The following ANKRD13B variants were observed in gnomAD, a reference collection of about 807,000 sequenced individuals.
ANKRD13B encodes ankyrin repeat domain 13B.
ANKRD13B carries 33 observed loss-of-function variants against 74.4 expected under a neutral mutation model. That is an observed-to-expected ratio of 0.44 (90% CI 0.34 to 0.59). The LOEUF is 0.59. ANKRD13B is among the 20% of genes least tolerant of loss of function. The probability of loss-of-function intolerance (pLI) is 0.02; values close to 1 mark genes in which losing one functional copy is unlikely to be tolerated. For synonymous variants in ANKRD13B, 341 were observed against 362.9 expected, an observed-to-expected ratio of 0.94 and a Z score of 0.68; for missense variants, 676 against 877.9, an observed-to-expected ratio of 0.77 and a Z score of 2.91.
chr17:29,596,022 CCAGGGG>C (rs1417824207), intron 1 of ANKRD13B, among the ~76,000 whole-genome samples: 45 of 152,224 alleles, frequency 3.0e-4, no homozygotes, highest in African/African-American at 1.1e-3. Flanking sequence ...GGCATCCCAG[CCAGGGG>C]TCCCTGGCCT....
rs756326128 is a variant in ANKRD13B at position 29,608,131 on chromosome 17, C to T, written c.375+21C>T. 3.7e-6 allele frequency: 6 copies of T among 1,613,672 alleles called. No individual in the cohort carries two copies. The highest frequency in any genetic ancestry group is 1.1e-5 in the South Asian group (1 of 91,068). ...GCAAGGTGAGGCCCAGCCTCTCAGC[C>T]TCCACGGGAGCCCTTGAGCCCTTCT... On this transcript the variant is annotated intron_variant, in intron 3 of 14. Transcript: ENST00000394859. The surrounding 1 kb of genome is among the most constrained non-coding windows in gnomAD (Gnocchi z 6.4).
intron 1 of ANKRD13B, among the ~76,000 whole-genome samples, chr17:29,598,082 G>A (rs191964828): frequency 1.2e-3 from 183 of 152,010 alleles, no homozygotes; most frequent in African/African-American, 4.2e-3. Flanking sequence ...TCCCACTCCC[G>A]CTGCCGGGCT....
In ANKRD13B at chr17:29,612,924, G is replaced by A. The variant is rs2034646821; in HGVS notation, c.1613G>A (p.Gly538Asp). The A allele has an allele frequency of 6.3e-7, 1 of 1,598,294 alleles. No homozygotes were observed. The highest frequency in any genetic ancestry group is 8.5e-7 in the Non-Finnish European group (1 of 1,179,742). Residue 538 changes from glycine (G) to aspartate (D), a missense_variant, in exon 14 of 15, where the codon GGC becomes GAC. By Grantham distance (94) the Gly-to-Asp change is moderately conservative (BLOSUM62 -1). Around this residue, in one of 4 missense-constraint regions of ANKRD13B, gnomAD observed 152 missense variants for 181.4 expected, o/e 0.84. Coordinates refer to ENST00000394859, the MANE Select transcript of ANKRD13B (RefSeq NM_152345.5). This position sits in a 1 kb window ranked among gnomAD's most constrained non-coding sequence, Gnocchi z 6.1. The part of the protein sequence containing the change: ...IWEALTNSKP[G>D]THPMSYEGRR... ...GAGGCGCTAACCAACAGCAAGCCAG[G>A]CACCCACCCCATGTCCTACGAGGGT...
In ANKRD13B at chr17:29,612,091, A is replaced by G; in HGVS notation, c.1101-25A>G. The G allele has an allele frequency of 6.2e-7, 1 of 1,611,608 alleles. No homozygotes were observed. The highest frequency in any genetic ancestry group is 8.5e-7 in the Non-Finnish European group (1 of 1,178,780). ...GCCATGGCTTCCTGCAGTGTCCCTT[A>G]CCCCTTGGGATCTGGTGGGGGCAGG... On this transcript the variant is annotated intron_variant, in intron 10 of 14. Transcript: ENST00000394859. The surrounding 1 kb of genome is among the most constrained non-coding windows in gnomAD (Gnocchi z 6.1).
intron 1 of ANKRD13B, among the ~76,000 whole-genome samples, chr17:29,603,938 C>T (rs1230779937): frequency 5.5e-5 from 8 of 144,850 alleles, no homozygotes; most frequent in Admixed American, 2.8e-4. Flanking sequence ...AGTGCAGGGG[C>T]GCCATCTCGG....
chr17:29,606,489 C>T (rs886988194), intron 1 of ANKRD13B, among the ~76,000 whole-genome samples: 4 of 151,680 alleles, frequency 2.6e-5, no homozygotes, highest in African/African-American at 9.7e-5. Context: ...ACCTGGGAGG[C>T]GGAAGTTGCA....
In ANKRD13B at chr17:29,613,840, C is replaced by T. The variant is rs1179643074; in HGVS notation, c.*258C>T. Reference sequence around the variant, plus strand: ...GTATTCTGATTCCCCAACCCGCTCCCCTGGGCTCAGATCTGTCCTGTCCTA... The same window carrying T: ...GTATTCTGATTCCCCAACCCGCTCCTCTGGGCTCAGATCTGTCCTGTCCTA... On this transcript the variant is annotated 3_prime_UTR_variant, in exon 15 of 15. Coordinates refer to ENST00000394859, the MANE Select transcript of ANKRD13B (RefSeq NM_152345.5). 1.5e-5 allele frequency: 8 copies of T among 535,460 alleles called. No individual in the cohort carries two copies. The highest frequency in any genetic ancestry group is 3.6e-5 in the East Asian group (1 of 27,744). 33.2% of individuals were successfully genotyped at this position (535,460 alleles called of 1,614,324 possible).
intron 1 of ANKRD13B, among the ~76,000 whole-genome samples, chr17:29,603,940 C>A (rs1299709270): frequency 6.7e-6 from 1 of 149,766 alleles, no homozygotes; most frequent in East Asian, 2.0e-4. Context: ...TGCAGGGGCG[C>A]CATCTCGGCT....
rs1365261477 is a variant in ANKRD13B at position 29,608,107 on chromosome 17, C to T, written c.372C>T (p.Arg124=). 3 of 1,613,168 alleles carry T rather than the reference C, an allele frequency of 1.9e-6. No individual in the cohort carries two copies. The East Asian group carries it at 6.7e-5, about 36-fold the overall frequency. Residue 124 remains arginine, a synonymous_variant, in exon 3 of 15, where the codon CGC becomes CGT. Coordinates refer to ENST00000394859, the MANE Select transcript of ANKRD13B (RefSeq NM_152345.5). This position sits in a 1 kb window ranked among gnomAD's most constrained non-coding sequence, Gnocchi z 6.4. Reference sequence around the variant, plus strand: ...TCCCCGTGCTCCTGGAGAAGCTGCGCAAGGTGAGGCCCAGCCTCTCAGCCT... The same window carrying T: ...TCCCCGTGCTCCTGGAGAAGCTGCGTAAGGTGAGGCCCAGCCTCTCAGCCT... ...AGIPVLLEKL[R]KAQDFYVEMK... is the part of the protein sequence containing the mutation.
rs1316036460 is a variant in ANKRD13B, at chr17:29,609,600, A to T, written c.822+179A>T. Among the ~76,000 whole-genome samples the T allele has an allele frequency of 6.6e-6, 1 of 152,250 alleles. No homozygotes were observed. Among genetic ancestry groups the T allele is most frequent in the Non-Finnish European group, 1.5e-5 (1 of 68,040 alleles). On this transcript the variant is annotated intron_variant, in intron 7 of 14. Coordinates refer to ENST00000394859, the MANE Select transcript of ANKRD13B (RefSeq NM_152345.5). The surrounding 1 kb of genome is among the most constrained non-coding windows in gnomAD (Gnocchi z 4.0). Reference sequence around the variant, plus strand: ...GTTTTATATGGATGTATGGATGTATACACAGGGCACGTGCACACGCACACA... The same window carrying T: ...GTTTTATATGGATGTATGGATGTATTCACAGGGCACGTGCACACGCACACA...
chr17:29,607,684 C>G (rs988676598), intron 1 of ANKRD13B, 58 bp from the exon 2 acceptor site: 2 of 1,551,756 alleles, frequency 1.3e-6, no homozygotes. Flanking sequence ...TGTCTGGCTC[C>G]GGAGGGCTGC....
intron 1 of ANKRD13B, among the ~76,000 whole-genome samples, chr17:29,603,210 G>C (rs543745173): frequency 4.6e-5 from 7 of 152,284 alleles, no homozygotes; most frequent in African/African-American, 1.7e-4. Context: ...GATTCCAATA[G>C]ATATATGTTA....
chr17:29,594,615 A>G (rs2033888019), intron 1 of ANKRD13B, among the ~76,000 whole-genome samples: 1 of 152,184 alleles, frequency 6.6e-6, no homozygotes, highest in Non-Finnish European at 1.5e-5. Flanking sequence ...CACCCAGGCC[A>G]CAGGTAGGCA....
Position 29,614,593 on chromosome 17 carries a change from C to T in ANKRD13B, c.*1011C>T, listed in dbSNP as rs1264442061. The T allele has an allele frequency of 1.3e-5, 2 of 152,602 alleles. No homozygotes were observed. Among genetic ancestry groups the T allele is most frequent in the African/African-American group, 4.8e-5 (2 of 41,448 alleles). The allele number at this position is 152,602 out of a possible 1,614,324, so 9.5% of individuals were successfully genotyped here. On this transcript the variant is annotated 3_prime_UTR_variant, in exon 15 of 15. Coordinates refer to ENST00000394859, the MANE Select transcript of ANKRD13B (RefSeq NM_152345.5). ...CAGGGGCCCACCGCACACCCTTGTC[C>T]CGGGCCTGTCTGGGACTGGCCTTCC... is the stretch of plus-strand genomic sequence containing the variant.
At chr17:29,601,498 A>AG (rs1486529332) in intron 1 of ANKRD13B, among the ~76,000 whole-genome samples, 1 of 152,164 alleles carries the variant, frequency 6.6e-6, no homozygotes, top group African/African-American at 2.4e-5. Flanking sequence ...CTGGGATTAC[A>AG]GGCATGAGCC....
In ANKRD13B at chr17:29,612,047, C is replaced by A; in HGVS notation, c.1100+41C>A. The A allele has an allele frequency of 6.2e-7, 1 of 1,608,520 alleles. No individual in the cohort carries two copies. The highest frequency in any genetic ancestry group is 8.5e-7 in the Non-Finnish European group (1 of 1,176,532). On this transcript the variant is annotated intron_variant, in intron 10 of 14. Transcript: ENST00000394859. The surrounding 1 kb of genome is among the most constrained non-coding windows in gnomAD (Gnocchi z 6.1). The stretch of plus-strand genomic sequence containing the variant: ...GTGCTGGGAAGGTGGGGGGCCGGGG[C>A]TCCAGGAGATGCTGGGAGGCCATGG...
At position 29,606,005 on chromosome 17, in the gene ANKRD13B, C is replaced by T. The variant is rs536386603; in HGVS notation, c.115-1737C>T. On this transcript the variant is annotated intron_variant, in intron 1 of 14. Transcript: ENST00000394859. ...TCGGCTCACTGCAACCTCCGCCTCC[C>T]GGGTTCAAGCGGTTCTCTTGCCTCA... Among the ~76,000 whole-genome samples, 18 of 151,788 alleles carry T rather than the reference C, an allele frequency of 1.2e-4. No individual in the cohort carries two copies. In the East Asian group the frequency reaches 2.8e-3, roughly 23 times the overall value.
chr17:29,604,719 T>C (rs1269559340), intron 1 of ANKRD13B, among the ~76,000 whole-genome samples: 1 of 151,642 alleles, frequency 6.6e-6, no homozygotes, highest in African/African-American at 2.4e-5. Flanking sequence ...TTTTTTGTAT[T>C]TTTAGTAGAG....
intron 1 of ANKRD13B, among the ~76,000 whole-genome samples, chr17:29,596,146 C>T (rs2033946413): frequency 6.6e-6 from 1 of 152,260 alleles, no homozygotes; most frequent in African/African-American, 2.4e-5. Flanking sequence ...TTCTTCACTC[C>T]AAGAAAGCCC....
Sources: allele counts gnomAD v4.1 joint callset (sites outside exome capture counted in the v4.1 genomes callset), GRCh38; gene constraint gnomAD v4.1.1; regional missense constraint gnomAD v4.1.1; non-coding constraint Gnocchi (gnomAD v3.1); transcripts MANE v1.5; gene names NCBI Gene and HGNC (gene_info 2026-07-23, HGNC 2026-07-21).